Variants in TOPBP1 observed in about 807,000 individuals in gnomAD.
The protein encoded by TOPBP1 is DNA topoisomerase 2-binding protein 1.
A neutral mutation model predicts 167.7 loss-of-function variants in TOPBP1; 28 were observed. That is an observed-to-expected ratio of 0.17 (90% CI 0.12 to 0.23). The LOEUF (loss-of-function observed/expected upper bound fraction) is 0.23. Among genes scored for constraint, TOPBP1 ranks in the 10% least tolerant of loss-of-function variants. The pLI, the probability that TOPBP1 is intolerant of heterozygous loss-of-function variation, is 1.00. For missense variants in TOPBP1, 1,554 were observed against 1,809.6 expected, an observed-to-expected ratio of 0.86 and a Z score of 2.56; for synonymous variants, 598 against 611.4, an observed-to-expected ratio of 0.98 and a Z score of 0.32.
rs748812296 is a variant in TOPBP1, at chr3:133,628,407, T to C, written c.2759A>G (p.Gln920Arg). 2.0e-5 allele frequency: 33 copies of C among 1,609,832 alleles called. No individual in the cohort carries two copies. The South Asian group carries it at 3.3e-4, about 16-fold the overall frequency. Residue 920 changes from glutamine (Q) to arginine (R), a missense_variant, in exon 16 of 28, where the codon CAG becomes CGG. By Grantham distance (43) the Gln-to-Arg change is conservative. Around this residue, in one of 3 missense-constraint regions of TOPBP1, gnomAD observed 1,197 missense variants for 1,351.5 expected, o/e 0.89. Transcript: ENST00000260810. ...VCVSKKLSKK[Q>R]SELNGIAASL... ...GGCTGCGATCCCATTTAGTTCACTC[T>C]GCTTCTTACTGAGTTTTTTACTAAC...
At chr3:133,659,304 T>C (rs1306629943) in intron 2 of TOPBP1, among the ~76,000 whole-genome samples, 154 bp from the exon 3 acceptor site, 1 of 152,202 alleles carries the variant, frequency 6.6e-6, no homozygotes, top group Admixed American at 6.5e-5. Flanking sequence ...TGGTCTCTTT[T>C]TCCCTTCCTT....
rs1350265554 is a variant in TOPBP1, at chr3:133,643,346, C to T, written c.1875G>A (p.Leu625=). The T allele has an allele frequency of 1.2e-6, 2 of 1,602,874 alleles. No homozygotes were observed. Among genetic ancestry groups the T allele is most frequent in the Non-Finnish European group, 1.7e-6 (2 of 1,175,942 alleles). ...AGAGAGGATTCGACTTTGGATCAAA[C>T]AAAGTCTGATAGTCTATGCAAGTAA... ...WLVTCIDYQT[L]FDPKSNPLFT... is the part of the protein sequence containing the mutation. The change falls in exon 12 of 28, where the codon TTG becomes TTA. Residue 625 remains leucine (L), a synonymous_variant. Transcript: ENST00000260810.
chr3:133,653,610 C>A, intron 6 of TOPBP1, 86 bp from the exon 7 acceptor site: 19 of 1,088,414 alleles, frequency 1.7e-5, no homozygotes, highest in Non-Finnish European at 2.2e-5. Context: ...CAGAAATATT[C>A]AAATTATAAC....
chr3:133,632,072 C>T (rs1440968094), intron 14 of TOPBP1, among the ~76,000 whole-genome samples: 1 of 152,156 alleles, frequency 6.6e-6, no homozygotes, highest in Non-Finnish European at 1.5e-5. Context: ...CCCAGTGGTG[C>T]TTCCTGTACA....
intron 2 of TOPBP1, among the ~76,000 whole-genome samples, chr3:133,659,954 A>G (rs747169899): frequency 6.6e-6 from 1 of 151,982 alleles, no homozygotes; most frequent in African/African-American, 2.4e-5. Context: ...CAACCCTCCA[A>G]TGGCTCTCCA....
At chr3:133,649,697 T>G (rs1245119104) in intron 9 of TOPBP1, 64 bp from the exon 10 acceptor site, 2 of 1,595,142 alleles carry the variant, frequency 1.3e-6, no homozygotes, top group Non-Finnish European at 1.7e-6. Flanking sequence ...CCACTTGTCA[T>G]GCAGTTTCCA....
At chr3:133,607,618 G>C (rs896096248) in intron 27 of TOPBP1, among the ~76,000 whole-genome samples, 6 of 152,072 alleles carry the variant, frequency 3.9e-5, no homozygotes, top group Admixed American at 1.3e-4. Context: ...ATGCTCAAGG[G>C]AAGTGCTTAT....
chr3:133,632,141 G>A lies in TOPBP1; in HGVS notation c.2521-3408C>T, dbSNP rs148866344. Among the ~76,000 whole-genome samples, 374 of 151,694 alleles carry A rather than the reference G, an allele frequency of 2.5e-3. 1 individual carries two copies. Among genetic ancestry groups the A allele is most frequent in the African/African-American group, 8.6e-3 (356 of 41,380 alleles). On this transcript the variant is annotated intron_variant, in intron 14 of 27. Coordinates refer to ENST00000260810, the MANE Select transcript of TOPBP1 (RefSeq NM_007027.4). ...TTTATAAAGTTGGACGTGGTGGCTCGCGCCTGTAATCCCAGCATTTTGGGA... is the reference window on the plus strand; with the variant it reads ...TTTATAAAGTTGGACGTGGTGGCTCACGCCTGTAATCCCAGCATTTTGGGA...
intron 13 of TOPBP1, 132 bp downstream of exon 13, chr3:133,639,827 T>C: frequency 6.2e-6 from 5 of 804,788 alleles, no homozygotes; most frequent in South Asian, 1.8e-5. Flanking sequence ...CTTCGAACAC[T>C]GAGACCCTCA....
chr3:133,612,082 C>T (rs1432592881), intron 24 of TOPBP1, among the ~76,000 whole-genome samples: 1 of 151,452 alleles, frequency 6.6e-6, no homozygotes, highest in African/African-American at 2.4e-5. Flanking sequence ...ACTCTTGTGG[C>T]CCAGGCTGGA....
chr3:133,638,425 C>T (rs1366032147), intron 13 of TOPBP1, among the ~76,000 whole-genome samples: 1 of 152,144 alleles, frequency 6.6e-6, no homozygotes, highest in Non-Finnish European at 1.5e-5. Flanking sequence ...TAGACAAGCA[C>T]ATTAACTGAA....
At chr3:133,617,378 C>A (rs1000582584) in intron 21 of TOPBP1, 52 bp from the exon 22 acceptor site, 2 of 1,475,994 alleles carry the variant, frequency 1.4e-6, no homozygotes, top group African/African-American at 2.8e-5. Flanking sequence ...AGACTAAAAA[C>A]AAATTCTAGG....
At chr3:133,638,860 A>C (rs773165129) in intron 13 of TOPBP1, among the ~76,000 whole-genome samples, 2 of 152,226 alleles carry the variant, frequency 1.3e-5, no homozygotes, top group Non-Finnish European at 2.9e-5. Context: ...GAAATACAGA[A>C]TTCACAAGAC....
chr3:133,656,046 A>C (rs1055365468), intron 5 of TOPBP1, among the ~76,000 whole-genome samples: 47 of 151,510 alleles, frequency 3.1e-4, no homozygotes, highest in Middle Eastern at 3.4e-3. Flanking sequence ...TTCGTATGCC[A>C]ATACAATTCT....
intron 1 of TOPBP1, among the ~76,000 whole-genome samples, chr3:133,661,482 C>T (rs1458509706): frequency 6.6e-6 from 1 of 152,234 alleles, no homozygotes; most frequent in African/African-American, 2.4e-5. Flanking sequence ...TACCCACGGC[C>T]TGCGAGGTAC....
intron 12 of TOPBP1, among the ~76,000 whole-genome samples, chr3:133,640,956 G>A (rs920359332): frequency 5.3e-5 from 8 of 152,064 alleles, no homozygotes; most frequent in Admixed American, 6.6e-5. Context: ...CAGAGAATAC[G>A]GGGCAGAAAA....
At chr3:133,649,989 A>AGTTT in intron 8 of TOPBP1, 46 bp from the exon 9 acceptor site, 1 of 1,437,102 alleles carries the variant, frequency 7.0e-7, no homozygotes, top group Non-Finnish European at 9.2e-7. Context: ...CTTTCTCTCA[A>AGTTT]TAGAAAAAAA....
chr3:133,641,405 C>G (rs1935886783), intron 12 of TOPBP1, among the ~76,000 whole-genome samples: 1 of 152,134 alleles, frequency 6.6e-6, no homozygotes, highest in Non-Finnish European at 1.5e-5. Flanking sequence ...TTGCTCTGTC[C>G]TCCAGGCTAG....
rs549281391 is a variant in TOPBP1 at position 133,632,791 on chromosome 3, G to A, written c.2521-4058C>T. On this transcript the variant is annotated intron_variant, in intron 14 of 27. Transcript: ENST00000260810. ...TATAGTTATTTCTTCTTCTTTTTTT[G>A]AGACAGGGTCTCAGTTTGTCACCCA... Among the ~76,000 whole-genome samples, 4 of 151,686 alleles carry A rather than the reference G, an allele frequency of 2.6e-5. No homozygotes were observed. In the East Asian group the frequency reaches 7.8e-4, roughly 29 times the overall value.
Sources: allele counts gnomAD v4.1 joint callset (sites outside exome capture counted in the v4.1 genomes callset), GRCh38; gene constraint gnomAD v4.1.1; regional missense constraint gnomAD v4.1.1; transcripts MANE v1.5; gene names NCBI Gene and HGNC (gene_info 2026-07-23, HGNC 2026-07-21).